SLC30A9: variants seen among roughly 807,000 people sequenced by gnomAD.
SLC30A9 encodes the protein solute carrier family 30 member 9.
SLC30A9 carries 58 observed loss-of-function variants against 87.5 expected under a neutral mutation model. That is an observed-to-expected ratio of 0.66 (90% CI 0.54 to 0.82). The LOEUF (loss-of-function observed/expected upper bound fraction) is 0.82, where lower values mean the gene tolerates loss of function less well. Ranked by LOEUF, SLC30A9 falls within the 40% of genes least tolerant of loss-of-function variation. The probability of loss-of-function intolerance (pLI) is 0.00; values close to 1 mark genes in which losing one functional copy is unlikely to be tolerated. For missense variants in SLC30A9, 557 were observed against 679.1 expected (o/e 0.82, Z 2.00); for synonymous variants, 234 against 233.0 (o/e 1.00, Z -0.04).
rs1234092016 is a variant in SLC30A9, at chr4:42,069,601, TAAG to T, written c.1253-920_1253-918del. Among the ~76,000 whole-genome samples the T allele has an allele frequency of 1.2e-4, 18 of 152,324 alleles. 1 individual carries two copies. Among genetic ancestry groups the T allele is most frequent in the Middle Eastern group, 3.4e-3 (1 of 292 alleles). ...GCAAAATATATGTTTTATCAAGCAT[TAAG>T]AAGAGTTAAATATATTGATGACATT... On this transcript the variant is annotated intron_variant, in intron 14 of 17. Coordinates refer to ENST00000264451, the MANE Select transcript of SLC30A9 (RefSeq NM_006345.4).
At chr4:42,007,404 A>G (rs1185455724) in intron 2 of SLC30A9, among the ~76,000 whole-genome samples, 2 of 152,218 alleles carry the variant, frequency 1.3e-5, no homozygotes, top group African/African-American at 2.4e-5. Context: ...TGCAGTGACC[A>G]ATAGGCAGTT....
At chr4:41,991,644 TGTG>T (rs1375858527) in intron 1 of SLC30A9, among the ~76,000 whole-genome samples, 5 of 152,070 alleles carry the variant, frequency 3.3e-5, no homozygotes, top group South Asian at 2.1e-4. Context: ...CGAAGCCAGG[TGTG>T]GTGGTGCGCT....
intron 11 of SLC30A9, 60 bp downstream of exon 11, chr4:42,063,181 A>G: frequency 6.6e-7 from 1 of 1,505,432 alleles, no homozygotes; most frequent in Non-Finnish European, 9.1e-7. Context: ...TGTGTACAGT[A>G]GAAGGCCTTT....
intron 2 of SLC30A9, among the ~76,000 whole-genome samples, chr4:42,017,002 A>G (rs931058743): frequency 2.6e-5 from 4 of 152,190 alleles, no homozygotes; most frequent in African/African-American, 9.6e-5. Context: ...GTGTTCAACT[A>G]TAGTAGATAA....
At chr4:42,032,847 T>C (rs553852388) in intron 6 of SLC30A9, among the ~76,000 whole-genome samples, 6 of 152,216 alleles carry the variant, frequency 3.9e-5, no homozygotes, top group Non-Finnish European at 8.8e-5. Flanking sequence ...CTGTCCTGGG[T>C]TGGTAATCAA....
chr4:42,001,628 T>C lies in SLC30A9; in HGVS notation c.122T>C (p.Leu41Ser). 6.3e-7 allele frequency: 1 copy of C among 1,584,220 alleles called. No individual in the cohort carries two copies. The highest frequency in any genetic ancestry group is 8.6e-7 in the Non-Finnish European group (1 of 1,162,788). ...NPSDRQEWQN[L>S]VTFGSFSNMV... ...TTTTTTCTTTTAGAGTGGCAGAATT[T>C]AGTGACATTTGGAAGCTTTTCAAAC... is the stretch of plus-strand genomic sequence containing the variant. The change falls in exon 2 of 18, where the codon TTA becomes TCA. Residue 41 changes from leucine to serine, a missense_variant. Physicochemically the swap from Leu to Ser is moderately radical, Grantham distance 145 (BLOSUM62 -2). Around this residue, in one of 2 missense-constraint regions of SLC30A9, gnomAD observed 467 missense variants for 529.8 expected, o/e 0.88. Coordinates refer to ENST00000264451, the MANE Select transcript of SLC30A9 (RefSeq NM_006345.4).
chr4:42,019,299 A>G (rs1368880361), intron 3 of SLC30A9, among the ~76,000 whole-genome samples: 4 of 152,068 alleles, frequency 2.6e-5, no homozygotes, highest in African/African-American at 4.8e-5. Context: ...TTGCTTATTT[A>G]TCTCTATCAT....
chr4:42,025,951 C>T (rs1051280347), intron 6 of SLC30A9, among the ~76,000 whole-genome samples: 6 of 151,830 alleles, frequency 4.0e-5, no homozygotes, highest in South Asian at 2.1e-4. Flanking sequence ...CCGCACCTGG[C>T]GATTATCTGT....
At chr4:42,042,195 T>A (rs1278888551) in intron 8 of SLC30A9, among the ~76,000 whole-genome samples, 2 of 152,138 alleles carry the variant, frequency 1.3e-5, no homozygotes, top group South Asian at 2.1e-4. Flanking sequence ...GTGCCTCGAA[T>A]GCCAGTGAGA....
intron 8 of SLC30A9, among the ~76,000 whole-genome samples, chr4:42,045,237 C>T (rs968542319): frequency 1.3e-5 from 2 of 152,014 alleles, no homozygotes; most frequent in Non-Finnish European, 1.5e-5. Flanking sequence ...GAGATAGAGA[C>T]ACCAAAAACC....
intron 16 of SLC30A9, 116 bp from the exon 17 acceptor site, chr4:42,078,096 A>G: frequency 3.5e-6 from 2 of 566,692 alleles, no homozygotes; most frequent in Non-Finnish European, 6.2e-6. Context: ...TAAAGTTTTA[A>G]AAATGTTCAT....
chr4:42,069,751 A>T (rs1443500057), intron 14 of SLC30A9, among the ~76,000 whole-genome samples: 1 of 152,228 alleles, frequency 6.6e-6, no homozygotes, highest in Non-Finnish European at 1.5e-5. Context: ...ATAGATGATA[A>T]ATCAGCCTTT....
At position 42,087,148 on chromosome 4, in the gene SLC30A9, TGA is replaced by T. The variant is rs1718950322; in HGVS notation, c.*1024_*1025del. Reference sequence around the variant, plus strand: ...TATAATATAGTTCATACTGTGTCTGTGAGTTTCTTCAGTTACAAATGGGCATT... The same window carrying T: ...TATAATATAGTTCATACTGTGTCTGTGTTTCTTCAGTTACAAATGGGCATT... On this transcript the variant is annotated 3_prime_UTR_variant, in exon 18 of 18. Transcript: ENST00000264451. The T allele has an allele frequency of 6.6e-6, 1 of 152,202 alleles. No homozygotes were observed. The highest frequency in any genetic ancestry group is 1.5e-5 in the Non-Finnish European group (1 of 68,030). The allele number at this position is 152,202 out of a possible 1,614,324, so 9.4% of individuals were successfully genotyped here.
At chr4:42,062,881 T>C (rs2153139896) in intron 10 of SLC30A9, 105 bp from the exon 11 acceptor site, 1 of 933,516 alleles carries the variant, frequency 1.1e-6, no homozygotes, top group East Asian at 2.6e-5. Context: ...TATAAAATTA[T>C]AACATCTTGA....
At chr4:41,992,398 A>G (rs944787999) in intron 1 of SLC30A9, among the ~76,000 whole-genome samples, 3 of 152,132 alleles carry the variant, frequency 2.0e-5, no homozygotes, top group African/African-American at 7.2e-5. Flanking sequence ...TGTACTCCAG[A>G]ATCCCCAAGT....
chr4:42,031,976 G>A (rs1390120564), intron 6 of SLC30A9, among the ~76,000 whole-genome samples: 1 of 152,170 alleles, frequency 6.6e-6, no homozygotes, highest in Non-Finnish European at 1.5e-5. Context: ...TCACAGTTCT[G>A]CAGGCTGTAT....
chr4:42,070,662 T>A lies in SLC30A9; in HGVS notation c.1389T>A (p.Thr463=). 1 of 1,613,988 alleles carries A rather than the reference T, an allele frequency of 6.2e-7. No individual in the cohort carries two copies. The highest frequency in any genetic ancestry group is 8.5e-7 in the Non-Finnish European group (1 of 1,179,892). Reference sequence around the variant, plus strand: ...AGCCAGAACAAGTACAACGGCTCACTGAACTCCTGGAGAATGACCCATCAG... The same window carrying A: ...AGCCAGAACAAGTACAACGGCTCACAGAACTCCTGGAGAATGACCCATCAG... The part of the protein sequence containing the change: ...SIQPEQVQRL[T]ELLENDPSVR... The change falls in exon 15 of 18, where the codon ACT becomes ACA. Residue 463 remains threonine, a synonymous_variant. Transcript: ENST00000264451.
At chr4:42,015,470 TTAG>T (rs1014515501) in intron 2 of SLC30A9, among the ~76,000 whole-genome samples, 25 of 152,290 alleles carry the variant, frequency 1.6e-4, no homozygotes, top group African/African-American at 5.5e-4. Flanking sequence ...GTAGTCAGAC[TTAG>T]TGGTGTTCCA....
At chr4:42,001,116 G>A (rs2581455) in intron 1 of SLC30A9, among the ~76,000 whole-genome samples, 93,363 of 151,856 alleles carry the variant, frequency 0.61, 33,664 homozygotes, top group East Asian at 0.95. Flanking sequence ...CCCATTTACT[G>A]AGGCATCTCA....
Sources: allele counts gnomAD v4.1 joint callset (sites outside exome capture counted in the v4.1 genomes callset), GRCh38; gene constraint gnomAD v4.1.1; regional missense constraint gnomAD v4.1.1; transcripts MANE v1.5; gene names NCBI Gene and HGNC (gene_info 2026-07-23, HGNC 2026-07-21).